Variants in CDH23 observed in about 807,000 individuals in gnomAD.
CDH23 encodes the protein cadherin-23.
CDH23 carries 189 observed loss-of-function variants against 317.1 expected under a neutral mutation model. The ratio of observed to expected loss-of-function variants is 0.60; its 90% CI spans 0.53 to 0.67. The LOEUF (loss-of-function observed/expected upper bound fraction) is 0.67. Ranked by LOEUF, CDH23 falls within the 30% of genes least tolerant of loss-of-function variation. The probability of loss-of-function intolerance (pLI) is 0.00; values close to 1 mark genes in which losing one functional copy is unlikely to be tolerated. For missense variants in CDH23, 4,401 were observed against 4,592.4 expected, an observed-to-expected ratio of 0.96 and a Z score of 1.20; for synonymous variants, 1,839 against 1,876.8, an observed-to-expected ratio of 0.98 and a Z score of 0.52.
chr10:71,736,498 T>G (rs1839570000), intron 34 of CDH23, among the ~76,000 whole-genome samples: 1 of 152,142 alleles, frequency 6.6e-6, no homozygotes, highest in Non-Finnish European at 1.5e-5. Context: ...TAAGAGCTCT[T>G]GAGTAAGTTC....
At chr10:71,454,850 T>A (rs536095076) in intron 3 of CDH23, among the ~76,000 whole-genome samples, 36 of 151,156 alleles carry the variant, frequency 2.4e-4, no homozygotes, top group Admixed American at 1.1e-3. Flanking sequence ...ATTTTATTTT[T>A]TTTTTTTTTT....
rs1900497 is a variant in CDH23, at chr10:71,707,053, C to T, written c.3106+4C>T. Reference sequence around the variant, plus strand: ...GAGCTCAGCTACTTCATCACAGGTGCTGCCCCGGCCTCCGCCCACCTGTGC... The same window carrying T: ...GAGCTCAGCTACTTCATCACAGGTGTTGCCCCGGCCTCCGCCCACCTGTGC... On this transcript the variant is annotated splice_donor_region_variant and intron_variant, in intron 26 of 69. Coordinates refer to ENST00000224721, the MANE Select transcript of CDH23 (RefSeq NM_022124.6). 1.3e-6 allele frequency: 2 copies of T among 1,598,242 alleles called. No individual in the cohort carries two copies. Among genetic ancestry groups the T allele is most frequent in the African/African-American group, 2.7e-5 (2 of 74,844 alleles).
intron 53 of CDH23, among the ~76,000 whole-genome samples, chr10:71,801,205 GA>G (rs1841551080): frequency 7.4e-6 from 1 of 135,354 alleles, no homozygotes; most frequent in Admixed American, 8.5e-5. Flanking sequence ...GCCCAGGCTG[GA>G]GTGCAATGGC....
At chr10:71,560,571 G>A (rs575824032) in intron 6 of CDH23, among the ~76,000 whole-genome samples, 71 of 152,132 alleles carry the variant, frequency 4.7e-4, no homozygotes, top group Admixed American at 1.8e-3. Flanking sequence ...CAATCTGTGC[G>A]ACCTTGGACA....
intron 2 of CDH23, among the ~76,000 whole-genome samples, chr10:71,440,927 C>T (rs995680756): frequency 6.6e-6 from 1 of 152,160 alleles, no homozygotes; most frequent in East Asian, 1.9e-4. Flanking sequence ...GCTGCAGCCT[C>T]GTGCTTGTTG....
chr10:71,773,668 G>T (rs1322500653), intron 38 of CDH23, among the ~76,000 whole-genome samples: 2 of 152,206 alleles, frequency 1.3e-5, no homozygotes, highest in Non-Finnish European at 2.9e-5. Flanking sequence ...GGCCCCGTGG[G>T]TGGGGAGCCA....
chr10:71,725,311 C>A, intron 29 of CDH23, 61 bp from the exon 30 acceptor site: 6 of 1,611,756 alleles, frequency 3.7e-6, no homozygotes, highest in Non-Finnish European at 4.2e-6. Context: ...CATGGCAGGC[C>A]AGCACAGCAG....
intron 3 of CDH23, among the ~76,000 whole-genome samples, chr10:71,456,126 T>A (rs1259346503): frequency 6.6e-6 from 1 of 150,898 alleles, no homozygotes; most frequent in Non-Finnish European, 1.5e-5. Context: ...CTAGAGCGCT[T>A]AAGGAGGGGA....
intron 6 of CDH23, among the ~76,000 whole-genome samples, chr10:71,534,617 C>T (rs1421600184): frequency 6.6e-6 from 1 of 152,210 alleles, no homozygotes; most frequent in African/African-American, 2.4e-5. Flanking sequence ...CTGCCACCAC[C>T]CCCTATGTCA....
At chr10:71,812,172 T>TCCCTC in intron 66 of CDH23, 157 bp downstream of exon 66, 1 of 1,584,358 alleles carries the variant, frequency 6.3e-7, no homozygotes, top group African/African-American at 1.3e-5. Context: ...CCCTCCACCC[T>TCCCTC]CAGAAACCAC....
At chr10:71,679,181 C>T (rs189635633) in intron 16 of CDH23, among the ~76,000 whole-genome samples, 10 of 152,266 alleles carry the variant, frequency 6.6e-5, no homozygotes, top group Admixed American at 1.3e-4. Flanking sequence ...GGGAGCAGGG[C>T]GTCTGCTGGG....
intron 2 of CDH23, among the ~76,000 whole-genome samples, chr10:71,444,853 AGCAGGTGCCCCTGATG>A (rs1850080805): frequency 6.6e-6 from 1 of 152,216 alleles, no homozygotes; most frequent in African/African-American, 2.4e-5. Flanking sequence ...TGGAGGGCTG[AGCAGGTGCCCCTGATG>A]GCAGGTGCTG....
intron 11 of CDH23, among the ~76,000 whole-genome samples, chr10:71,632,441 T>C (rs563811841): frequency 1.4e-4 from 22 of 152,262 alleles, no homozygotes; most frequent in Admixed American, 1.3e-3. Context: ...TTGATTAATC[T>C]AGACACATGG....
chr10:71,458,891 G>A (rs941454975), intron 3 of CDH23, among the ~76,000 whole-genome samples: 3 of 152,120 alleles, frequency 2.0e-5, no homozygotes, highest in Non-Finnish European at 2.9e-5. Context: ...GGGTTCACGC[G>A]ATTCTTCTGC....
At chr10:71,426,344 G>C (rs774204845) in intron 1 of CDH23, among the ~76,000 whole-genome samples, 3 of 152,246 alleles carry the variant, frequency 2.0e-5, no homozygotes, top group African/African-American at 7.2e-5. Flanking sequence ...GAGAATGGGG[G>C]ACAGGCCCAG....
chr10:71,809,705 G>A, intron 60 of CDH23, 115 bp from the exon 61 acceptor site: 7 of 1,431,160 alleles, frequency 4.9e-6, no homozygotes, highest in Non-Finnish European at 6.6e-6. Flanking sequence ...TGTGCCCTGT[G>A]GGCATTTGTG....
At chr10:71,766,053 G>A (rs929478792) in intron 38 of CDH23, among the ~76,000 whole-genome samples, 3 of 152,252 alleles carry the variant, frequency 2.0e-5, no homozygotes, top group Non-Finnish European at 4.4e-5. Flanking sequence ...ACAGCACGCA[G>A]AGGGGCCTGC....
intron 1 of CDH23, among the ~76,000 whole-genome samples, chr10:71,425,371 A>AGAAGGAAGGAAGGAAGCAAGGAAG (rs1849022536): frequency 2.4e-5 from 2 of 82,418 alleles, no homozygotes; most frequent in Non-Finnish European, 5.0e-5. Context: ...AAGAGAGAGG[A>AGAAGGAAGGAAGGAAGCAAGGAAG]GAAGGAAGGA....
intron 16 of CDH23, 128 bp from the exon 17 acceptor site, chr10:71,679,259 C>A: frequency 1.4e-6 from 1 of 709,986 alleles, no homozygotes; most frequent in Non-Finnish European, 2.5e-6. Context: ...GGACAAGACC[C>A]AGGGCTGGAT....
Sources: allele counts gnomAD v4.1 joint callset (sites outside exome capture counted in the v4.1 genomes callset), GRCh38; gene constraint gnomAD v4.1.1; transcripts MANE v1.5; gene names NCBI Gene and HGNC (gene_info 2026-07-23, HGNC 2026-07-21).